The following OR10G7 variants were observed in gnomAD, a reference collection of about 807,000 sequenced individuals.
The protein encoded by OR10G7 is olfactory receptor 10G7.
For synonymous variants in OR10G7, 165 were observed against 167.4 expected, an observed-to-expected ratio of 0.99 and a Z score of 0.11; for missense variants, 338 against 382.1, an observed-to-expected ratio of 0.88 and a Z score of 0.96.
intron 1 of OR10G7, among the ~76,000 whole-genome samples, chr11:124,040,033 C>T (rs896891): frequency 0.33 from 49,690 of 151,986 alleles, 9,190 homozygotes; most frequent in Middle Eastern, 0.5. Flanking sequence ...TGACCCCAAG[C>T]TAATGCAATA....
rs750401537 is a variant in OR10G7 at position 124,038,268 on chromosome 11, A to G, written c.734T>C (p.Ile245Thr). ...RAFQTCASHC[I>T]VVLCFFGPGL... Reference sequence around the variant, plus strand: ...AGGGCCAAAGAAGCAAAGGACCACGATACAGTGGGAGGCACAGGTCTGAAA... The same window carrying G: ...AGGGCCAAAGAAGCAAAGGACCACGGTACAGTGGGAGGCACAGGTCTGAAA... Residue 245 changes from isoleucine to threonine, a missense_variant, in exon 2 of 2, where the codon ATC becomes ACC. Ile to Thr is a moderately conservative substitution (Grantham distance 89, BLOSUM62 -1). Coordinates refer to ENST00000641585, the MANE Select transcript of OR10G7 (RefSeq NM_001004463.2). 5.0e-6 allele frequency: 8 copies of G among 1,613,986 alleles called. No homozygotes were observed. The Admixed American group carries it at 1.3e-4, about 27-fold the overall frequency.
chr11:124,039,345 C>T (rs1348118572), intron 1 of OR10G7, among the ~76,000 whole-genome samples: 3 of 151,920 alleles, frequency 2.0e-5, no homozygotes, highest in East Asian at 1.9e-4. Flanking sequence ...AAGCTCTTTC[C>T]GGGGATAAGC....
chr11:124,039,158 A>G, intron 1 of OR10G7, 137 bp from the exon 2 acceptor site: 1 of 925,084 alleles, frequency 1.1e-6, no homozygotes. Flanking sequence ...TTGCTTCAGT[A>G]TAGGTCTTTG....
Position 124,038,832 on chromosome 11 carries a change from A to T in OR10G7, c.170T>A (p.Met57Lys), listed in dbSNP as rs771467544. The T allele has an allele frequency of 1.9e-6, 3 of 1,613,900 alleles. No individual in the cohort carries two copies. Among genetic ancestry groups the T allele is most frequent in the East Asian group, 4.5e-5 (2 of 44,872 alleles). The change falls in exon 2 of 2, where the codon ATG becomes AAG. Residue 57 changes from methionine (M) to lysine (K), a missense_variant. Transcript: ENST00000641585. ...GGACAGGTTGGTGAGGAAGTAGTAC[A>T]TGGGGGTGTGGAGGTGAGAATCCAC... is the stretch of plus-strand genomic sequence containing the variant. ...IRVDSHLHTP[M>K]YYFLTNLSFI...
In OR10G7 at chr11:124,038,567, G is replaced by A. The variant is rs756653254; in HGVS notation, c.435C>T (p.Thr145=). 1.6e-5 allele frequency: 26 copies of A among 1,613,702 alleles called. No individual in the cohort carries two copies. Among genetic ancestry groups the A allele is most frequent in the Middle Eastern group, 1.6e-4 (1 of 6,080 alleles). ...MTGRSCALLA[T]GTWLSGSLHS... is the part of the protein sequence containing the mutation. Reference sequence around the variant, plus strand: ...GCAGAGAGCCACTGAGCCAAGTGCCGGTGGCCAGGAGGGCACACGAGCGCC... The same window carrying A: ...GCAGAGAGCCACTGAGCCAAGTGCCAGTGGCCAGGAGGGCACACGAGCGCC... The change falls in exon 2 of 2, where the codon ACC becomes ACT. Residue 145 remains threonine (T), a synonymous_variant. Transcript: ENST00000641585.
chr11:124,038,611 A>G lies in OR10G7; in HGVS notation c.391T>C (p.Tyr131His). ...GAGCGCCCAGTCATCATGTTGGTGT[A>G]CCTGAGCGGGTAACTGATGGCCAGG... ...RYLAISYPLRYTNMMTGRSCA... is the reference protein window; with the variant it reads ...RYLAISYPLRHTNMMTGRSCA... The change falls in exon 2 of 2, where the codon TAC (tyrosine) becomes CAC (histidine). Residue 131 changes from tyrosine to histidine, a missense_variant. Coordinates refer to ENST00000641585, the MANE Select transcript of OR10G7 (RefSeq NM_001004463.2). 6.2e-7 allele frequency: 1 copy of G among 1,613,942 alleles called. No individual in the cohort carries two copies. Among genetic ancestry groups the G allele is most frequent in the Admixed American group, 1.7e-5 (1 of 60,018 alleles).
chr11:124,040,588 G>A (rs896996713), intron 1 of OR10G7, among the ~76,000 whole-genome samples: 3 of 152,040 alleles, frequency 2.0e-5, no homozygotes, highest in Non-Finnish European at 2.9e-5. Context: ...TCTGACAGAA[G>A]CAGACTTTTC....
Position 124,038,046 on chromosome 11 carries a change from C to A in OR10G7, c.*20G>T. On this transcript the variant is annotated 3_prime_UTR_variant, in exon 2 of 2. Transcript: ENST00000641585. Reference sequence around the variant, plus strand: ...TTACAAATAAAAAAAGAAAAGTTAGCCATATATGGCCTTTCTTAACTATTC... The same window carrying A: ...TTACAAATAAAAAAAGAAAAGTTAGACATATATGGCCTTTCTTAACTATTC... 1 of 1,500,844 alleles carries A rather than the reference C, an allele frequency of 6.7e-7. No homozygotes were observed. The highest frequency in any genetic ancestry group is 9.0e-7 in the Non-Finnish European group (1 of 1,112,280). The allele number at this position is 1,500,844 out of a possible 1,614,324, so 93.0% of individuals were successfully genotyped here.
rs1864215878 is a variant in OR10G7, at chr11:124,038,648, G to A, written c.354C>T (p.Ser118=). ...AACTGATGGCCAGGTAGCGATCATAGGACATGACTGTGTAGAGGAAACACT... is the reference window on the plus strand; with the variant it reads ...AACTGATGGCCAGGTAGCGATCATAAGACATGACTGTGTAGAGGAAACACT... The part of the protein sequence containing the change: ...STECFLYTVM[S]YDRYLAISYP... The change falls in exon 2 of 2, where the codon TCC becomes TCT. Residue 118 remains serine (S), a synonymous_variant. Transcript: ENST00000641585. The A allele has an allele frequency of 6.2e-7, 1 of 1,613,840 alleles. No individual in the cohort carries two copies. Among genetic ancestry groups the A allele is most frequent in the African/African-American group, 1.3e-5 (1 of 74,804 alleles).
rs990970898 is a variant in OR10G7 at position 124,036,986 on chromosome 11, C to G, written c.*1080G>C. On this transcript the variant is annotated 3_prime_UTR_variant, in exon 2 of 2. Coordinates refer to ENST00000641585, the MANE Select transcript of OR10G7 (RefSeq NM_001004463.2). ...AGCTGCCTTCTAGTTTTCTTTTACT[C>G]TTCATGCTATGCTAGGCAGAGTTGG... The G allele has an allele frequency of 6.6e-6, 1 of 152,296 alleles. No individual in the cohort carries two copies. Among genetic ancestry groups the G allele is most frequent in the Non-Finnish European group, 1.5e-5 (1 of 68,018 alleles). The allele number at this position is 152,296 out of a possible 1,614,324, so 9.4% of individuals were successfully genotyped here.
chr11:124,037,987 C>T lies in OR10G7; in HGVS notation c.*79G>A. 4.4e-6 allele frequency: 4 copies of T among 904,836 alleles called. No homozygotes were observed. Among genetic ancestry groups the T allele is most frequent in the Non-Finnish European group, 4.9e-6 (3 of 607,444 alleles). The allele number at this position is 904,836 out of a possible 1,614,324, so 56.1% of individuals were successfully genotyped here. On this transcript the variant is annotated 3_prime_UTR_variant, in exon 2 of 2. Transcript: ENST00000641585. ...GACTGAATAATTGAAATGCTCCATT[C>T]AAGTATAATGCTTATGTTGAAGGTT... is the stretch of plus-strand genomic sequence containing the variant.
At chr11:124,039,509 T>C (rs185729911) in intron 1 of OR10G7, among the ~76,000 whole-genome samples, 1 of 152,220 alleles carries the variant, frequency 6.6e-6, no homozygotes, top group African/African-American at 2.4e-5. Context: ...CCATTACAAA[T>C]ACAAATTTCT....
At chr11:124,039,356 C>T (rs2137571169) in intron 1 of OR10G7, among the ~76,000 whole-genome samples, 1 of 152,062 alleles carries the variant, frequency 6.6e-6, no homozygotes, top group African/African-American at 2.4e-5. Flanking sequence ...GGGGATAAGC[C>T]TTTATTCAAG....
At chr11:124,040,318 TAA>T (rs1168393995) in intron 1 of OR10G7, among the ~76,000 whole-genome samples, 10 of 151,902 alleles carry the variant, frequency 6.6e-5, no homozygotes. Context: ...CTTCTAAAAA[TAA>T]AAAAAGTCTT....
chr11:124,040,885 C>G lies in OR10G7; in HGVS notation c.-21+1G>C, dbSNP rs1332436306. The G allele has an allele frequency of 6.6e-6, 1 of 152,020 alleles. No homozygotes were observed. The highest frequency in any genetic ancestry group is 1.5e-5 in the Non-Finnish European group (1 of 68,008). The allele number at this position is 152,020 out of a possible 1,614,324, so 9.4% of individuals were successfully genotyped here. A position where few individuals can be genotyped will look rare whatever the true frequency, so the allele number is the denominator to read the frequency against. On this transcript the variant is annotated splice_donor_variant, in intron 1 of 1. Transcript: ENST00000641585. LOFTEE classifies it low-confidence loss of function (5UTR_SPLICE). Reference sequence around the variant, plus strand: ...AAGTGTTGCCAATTTTTGCTACTTACCAATTTTACAACTAGGTTTTGGATC... The same window carrying G: ...AAGTGTTGCCAATTTTTGCTACTTAGCAATTTTACAACTAGGTTTTGGATC...
rs1864222596 is a variant in OR10G7 at position 124,039,014 on chromosome 11, A to T, written c.-13T>A. On this transcript the variant is annotated 5_prime_UTR_variant, in exon 2 of 2. Coordinates refer to ENST00000641585, the MANE Select transcript of OR10G7 (RefSeq NM_001004463.2). ...TGGCGTTGGACATTTCTTCTCATATATGGGGCTCTGTTCTTACAGAAAGGA... is the reference window on the plus strand; with the variant it reads ...TGGCGTTGGACATTTCTTCTCATATTTGGGGCTCTGTTCTTACAGAAAGGA... The T allele has an allele frequency of 6.2e-7, 1 of 1,609,964 alleles. No individual in the cohort carries two copies. The highest frequency in any genetic ancestry group is 1.3e-5 in the African/African-American group (1 of 74,862).
chr11:124,038,735 C>A lies in OR10G7; in HGVS notation c.267G>T (p.Arg89Ser), dbSNP rs1210062317. 1.9e-6 allele frequency: 3 copies of A among 1,613,866 alleles called. No homozygotes were observed. Among genetic ancestry groups the A allele is most frequent in the Non-Finnish European group, 2.5e-6 (3 of 1,180,034 alleles). Residue 89 changes from arginine to serine, a missense_variant, in exon 2 of 2, where the codon AGG becomes AGT. Physicochemically the swap from Arg to Ser is moderately radical, Grantham distance 110. Coordinates refer to ENST00000641585, the MANE Select transcript of OR10G7 (RefSeq NM_001004463.2). ...MLMTLVSPSG[R>S]TISFHSCVAQ... ...CCACGCAGCTGTGGAAGGAGATAGT[C>A]CTGCCGCTTGGGGACACCAAGGTCA...
At chr11:124,039,307 C>T (rs1247255735) in intron 1 of OR10G7, among the ~76,000 whole-genome samples, 2 of 151,966 alleles carry the variant, frequency 1.3e-5, no homozygotes, top group Non-Finnish European at 2.9e-5. Flanking sequence ...AAAAGATATA[C>T]TCAAATTAAC....
Position 124,038,144 on chromosome 11 carries a change from C to T in OR10G7, c.858G>A (p.Val286=). The part of the protein sequence containing the change: ...TTLTPLFNPV[V]YTLRNKEVKK... The stretch of plus-strand genomic sequence containing the variant: ...TTACCTCCTTGTTTCTCAGGGTGTA[C>T]ACAACAGGGTTGAAAAGAGGAGTCA... Residue 286 remains valine, a synonymous_variant, in exon 2 of 2, where the codon GTG becomes GTA. Transcript: ENST00000641585. 1 of 1,614,110 alleles carries T rather than the reference C, an allele frequency of 6.2e-7. No individual in the cohort carries two copies. The highest frequency in any genetic ancestry group is 1.6e-4 in the Middle Eastern group (1 of 6,062).
Sources: gnomAD v4.1 joint callset for allele counts (sites outside exome capture counted in the v4.1 genomes callset) on GRCh38, gnomAD v4.1.1 for gene constraint, MANE v1.5 for transcripts, NCBI Gene and HGNC (gene_info 2026-07-23, HGNC 2026-07-21) for gene names.